The following CPNE8 variants were observed in gnomAD, a reference collection of about 807,000 sequenced individuals.
CPNE8 encodes the protein copine-8.
A neutral mutation model predicts 81.5 loss-of-function variants in CPNE8; 45 were observed. The observed-to-expected ratio is 0.55, with a 90% CI of 0.44 to 0.71. CPNE8 has a LOEUF of 0.71. CPNE8 is among the 30% of genes least tolerant of loss of function. The pLI, the probability that CPNE8 is intolerant of heterozygous loss-of-function variation, is 0.00. For missense variants in CPNE8, 594 were observed against 672.1 expected (o/e 0.88, Z 1.28); for synonymous variants, 252 against 226.3 (o/e 1.11, Z -1.02).
chr12:38,797,305 G>A (rs1161176905), intron 6 of CPNE8, among the ~76,000 whole-genome samples: 3 of 152,126 alleles, frequency 2.0e-5, no homozygotes, highest in Non-Finnish European at 2.9e-5. Flanking sequence ...CCCCCAGTAG[G>A]GGCAGACTGA....
intron 3 of CPNE8, among the ~76,000 whole-genome samples, chr12:38,857,921 T>C (rs539003838): frequency 7.7e-4 from 117 of 152,310 alleles, no homozygotes; most frequent in African/African-American, 2.8e-3. Context: ...AGAGGCTTAA[T>C]TCTCCCTGTT....
At chr12:38,758,982 T>C (rs993050742) in intron 10 of CPNE8, among the ~76,000 whole-genome samples, 3 of 152,158 alleles carry the variant, frequency 2.0e-5, no homozygotes, top group Non-Finnish European at 4.4e-5. Context: ...CCTTGTTTAT[T>C]AGTGGTTAAA....
At chr12:38,736,743 A>C (rs1225157201) in intron 10 of CPNE8, among the ~76,000 whole-genome samples, 1 of 152,088 alleles carries the variant, frequency 6.6e-6, no homozygotes, top group East Asian at 1.9e-4. Flanking sequence ...TTGCCTACAC[A>C]AATAGAAAGC....
At chr12:38,769,259 A>G (rs558962859) in intron 7 of CPNE8, among the ~76,000 whole-genome samples, 1 of 152,320 alleles carries the variant, frequency 6.6e-6, no homozygotes, top group Admixed American at 6.5e-5. Flanking sequence ...GATAACTTCT[A>G]TCAGAGGAAC....
chr12:38,729,670 T>C (rs571751647), intron 11 of CPNE8, among the ~76,000 whole-genome samples: 29 of 152,024 alleles, frequency 1.9e-4, no homozygotes, highest in Admixed American at 1.2e-3. Flanking sequence ...GGTATCCACA[T>C]ACGTTAAATT....
chr12:38,805,520 G>T lies in CPNE8; in HGVS notation c.407+23859C>A, dbSNP rs1183046966. Among the ~76,000 whole-genome samples, 405 of 108,682 alleles carry T rather than the reference G, an allele frequency of 3.7e-3. 8 individuals are homozygous for T. Among genetic ancestry groups the T allele is most frequent in the Middle Eastern group, 7.9e-3 (2 of 252 alleles). The allele number at this position is 108,682 out of a possible 152,430, so 71.3% of individuals were successfully genotyped here. On this transcript the variant is annotated intron_variant, in intron 6 of 19. Transcript: ENST00000331366. Reference sequence around the variant, plus strand: ...ACTCTGGGGACTGTGGTGGGGTCGGGGGATGGGGGAGGGATAGCATTGGGA... The same window carrying T: ...ACTCTGGGGACTGTGGTGGGGTCGGTGGATGGGGGAGGGATAGCATTGGGA...
chr12:38,702,768 C>T, intron 14 of CPNE8, 107 bp downstream of exon 14: 1 of 606,496 alleles, frequency 1.6e-6, no homozygotes, highest in Non-Finnish European at 2.7e-6. Context: ...ATATGGAAAA[C>T]TTCAGAAGTA....
At chr12:38,787,789 A>G (rs938191299) in intron 6 of CPNE8, among the ~76,000 whole-genome samples, 3 of 151,776 alleles carry the variant, frequency 2.0e-5, no homozygotes, top group African/African-American at 7.2e-5. Flanking sequence ...AGAAATTCAA[A>G]GAATCATTAG....
chr12:38,767,569 G>T, intron 8 of CPNE8, 66 bp downstream of exon 8: 2 of 979,294 alleles, frequency 2.0e-6, no homozygotes, highest in Non-Finnish European at 2.9e-6. Flanking sequence ...GCTTCTCTGA[G>T]AAAAATAATT....
chr12:38,704,826 G>GTATATATATGTGCATATATATATATATA (rs58878926), intron 13 of CPNE8, among the ~76,000 whole-genome samples: 1 of 50,200 alleles, frequency 2.0e-5, no homozygotes, highest in Non-Finnish European at 5.5e-5. Flanking sequence ...GTATGTATGT[G>GTATATATATGTGCATATATATATATATA]TATATATATA....
intron 3 of CPNE8, among the ~76,000 whole-genome samples, chr12:38,854,100 G>A (rs1409407498): frequency 5.9e-5 from 9 of 151,898 alleles, no homozygotes; most frequent in Non-Finnish European, 8.8e-5. Flanking sequence ...ACGGGAGTAC[G>A]GTAGGCAGAA....
At chr12:38,681,611 G>A (rs904676858) in intron 16 of CPNE8, among the ~76,000 whole-genome samples, 8 of 152,064 alleles carry the variant, frequency 5.3e-5, no homozygotes, top group Non-Finnish European at 7.4e-5. Context: ...TTTAAGTAAA[G>A]GAGCTTCATC....
chr12:38,774,354 TC>T (rs1285520848), intron 7 of CPNE8, among the ~76,000 whole-genome samples: 1 of 152,184 alleles, frequency 6.6e-6, no homozygotes, highest in Non-Finnish European at 1.5e-5. Context: ...CTTCCTTTTT[TC>T]TTTCCTCCTT....
chr12:38,812,451 G>T (rs1942953741), intron 6 of CPNE8, among the ~76,000 whole-genome samples: 2 of 152,096 alleles, frequency 1.3e-5, no homozygotes, highest in African/African-American at 4.8e-5. Flanking sequence ...CATGGCATCA[G>T]GAAGGAGAAG....
chr12:38,906,117 C>T, upstream of CPNE8: 3 of 986,002 alleles, frequency 3.0e-6, no homozygotes, highest in African/African-American at 5.2e-5. Flanking sequence ...GTTATAAGGT[C>T]CCCCTCCCCA....
intron 6 of CPNE8, among the ~76,000 whole-genome samples, chr12:38,784,461 A>G (rs1018374971): frequency 2.6e-5 from 4 of 152,212 alleles, no homozygotes; most frequent in Admixed American, 6.5e-5. Context: ...GTTTATTCAA[A>G]GAGATAATAA....
intron 3 of CPNE8, among the ~76,000 whole-genome samples, chr12:38,865,807 T>C (rs903093405): frequency 2.6e-5 from 4 of 152,236 alleles, no homozygotes; most frequent in Non-Finnish European, 5.9e-5. Context: ...CAAAATATTC[T>C]GGATTTGCTT....
intron 6 of CPNE8, among the ~76,000 whole-genome samples, chr12:38,797,476 G>T (rs964189597): frequency 1.3e-5 from 2 of 152,190 alleles, no homozygotes; most frequent in African/African-American, 4.8e-5. Context: ...CAACAGACCT[G>T]CAGCTGAGGG....
chr12:38,693,454 G>A (rs1336160971), intron 15 of CPNE8, among the ~76,000 whole-genome samples: 1 of 152,090 alleles, frequency 6.6e-6, no homozygotes, highest in Non-Finnish European at 1.5e-5. Flanking sequence ...TCAGGTGGGT[G>A]CACTTCAGGT....
Sources: allele counts gnomAD v4.1 joint callset (sites outside exome capture counted in the v4.1 genomes callset), GRCh38; gene constraint gnomAD v4.1.1; transcripts MANE v1.5; gene names NCBI Gene and HGNC (gene_info 2026-07-23, HGNC 2026-07-21).